The following RBPMS variants were observed in gnomAD, a reference collection of about 807,000 sequenced individuals.
The protein encoded by RBPMS is RNA binding protein, mRNA processing factor.
A neutral mutation model predicts 26.8 loss-of-function variants in RBPMS; 7 were observed. The ratio of observed to expected loss-of-function variants is 0.26; its 90% CI spans 0.15 to 0.49. RBPMS has a LOEUF of 0.49. RBPMS is among the 20% of genes least tolerant of loss of function. The probability of loss-of-function intolerance (pLI) is 0.98; values close to 1 mark genes in which losing one functional copy is unlikely to be tolerated. For synonymous variants in RBPMS, 96 were observed against 93.3 expected, an observed-to-expected ratio of 1.03 and a Z score of -0.17; for missense variants, 186 against 250.0, an observed-to-expected ratio of 0.74 and a Z score of 1.73.
At chr8:30,433,837 A>G (rs1347429213) in intron 1 of RBPMS, among the ~76,000 whole-genome samples, 1 of 152,174 alleles carries the variant, frequency 6.6e-6, no homozygotes, top group Non-Finnish European at 1.5e-5. Flanking sequence ...CCATGTCCTG[A>G]TTCTTAGATC....
intron 6 of RBPMS, 86 bp downstream of exon 6, chr8:30,544,710 A>C: frequency 6.2e-7 from 1 of 1,603,938 alleles, no homozygotes; most frequent in East Asian, 2.2e-5. Context: ...CATACAACTA[A>C]CACCTATCCA....
At chr8:30,540,594 A>G (rs997100264) in intron 5 of RBPMS, among the ~76,000 whole-genome samples, 2 of 151,976 alleles carry the variant, frequency 1.3e-5, no homozygotes, top group Admixed American at 6.6e-5. Context: ...CCTGGCTAAT[A>G]TATATTTTTT....
intron 1 of RBPMS, among the ~76,000 whole-genome samples, chr8:30,387,775 A>G (rs190926363): frequency 1.1e-4 from 16 of 152,246 alleles, no homozygotes; most frequent in African/African-American, 3.9e-4. Flanking sequence ...CTGTGTTTCT[A>G]GTTTCGAAAC....
chr8:30,469,682 G>T (rs892182860), intron 1 of RBPMS, among the ~76,000 whole-genome samples: 2 of 152,248 alleles, frequency 1.3e-5, no homozygotes, highest in Admixed American at 6.5e-5. Flanking sequence ...TAAAGGCATA[G>T]TGCCAGGCAC....
chr8:30,548,697 A>G (rs1171994580), intron 6 of RBPMS, among the ~76,000 whole-genome samples: 2 of 152,228 alleles, frequency 1.3e-5, no homozygotes, highest in African/African-American at 4.8e-5. Context: ...TAGGCTAACC[A>G]GGAAGGGAGC....
At chr8:30,449,371 T>G in intron 1 of RBPMS, among the ~76,000 whole-genome samples, 2 of 36,468 alleles carry the variant, frequency 5.5e-5, no homozygotes, top group East Asian at 7.4e-3. Flanking sequence ...CATCTCCTCT[T>G]TTTTTTTTTT....
intron 1 of RBPMS, among the ~76,000 whole-genome samples, chr8:30,453,329 A>G (rs187592802): frequency 2.0e-5 from 3 of 152,358 alleles, no homozygotes; most frequent in African/African-American, 7.2e-5. Flanking sequence ...TCTACATTTC[A>G]ATAAAATGCT....
chr8:30,549,437 T>C, intron 6 of RBPMS: 1 of 1,425,066 alleles, frequency 7.0e-7, no homozygotes, highest in Non-Finnish European at 9.9e-7. Context: ...GGCCTTCCAT[T>C]GTTTTCAGAC....
chr8:30,555,840 G>C, intron 6 of RBPMS: 2 of 978,448 alleles, frequency 2.0e-6, no homozygotes, highest in Non-Finnish European at 2.4e-6. Context: ...CAAGCAGCCC[G>C]AATGGGGCTA....
rs542664910 is a variant in RBPMS, at chr8:30,463,746, C to G, written c.67-11033C>G. ...GAAGGGAAAGGTTAAGTGATTTGTC[C>G]AAGTGCATACCTTGTGAGTTGCAGA... On this transcript the variant is annotated intron_variant, in intron 1 of 8. Transcript: ENST00000397323. Among the ~76,000 whole-genome samples, 106 of 152,246 alleles carry G rather than the reference C, an allele frequency of 7.0e-4. 1 individual carries two copies. The highest frequency in any genetic ancestry group is 1.2e-3 in the Non-Finnish European group (82 of 68,006).
At chr8:30,528,826 G>T (rs1823887737) in intron 5 of RBPMS, among the ~76,000 whole-genome samples, 1 of 151,866 alleles carries the variant, frequency 6.6e-6, no homozygotes, top group Non-Finnish European at 1.5e-5. Flanking sequence ...TTTGTTTTTT[G>T]GTTTGTTTTA....
At chr8:30,480,798 AG>A (rs1369055696) in intron 4 of RBPMS, among the ~76,000 whole-genome samples, 24 of 152,382 alleles carry the variant, frequency 1.6e-4, no homozygotes, top group Admixed American at 1.5e-3. Context: ...TAAACTTAAA[AG>A]TAGAACCACA....
At chr8:30,491,477 G>A (rs1050756939) in intron 4 of RBPMS, among the ~76,000 whole-genome samples, 1 of 152,274 alleles carries the variant, frequency 6.6e-6, no homozygotes. Context: ...ACTGGATCCT[G>A]TTGGGGGCTG....
chr8:30,466,751 C>T (rs1389470268), intron 1 of RBPMS, among the ~76,000 whole-genome samples: 2 of 151,930 alleles, frequency 1.3e-5, no homozygotes, highest in Non-Finnish European at 2.9e-5. Flanking sequence ...CCGACCACCA[C>T]GCTGGCTAAT....
chr8:30,557,463 C>T (rs1305906512), intron 6 of RBPMS, among the ~76,000 whole-genome samples: 4 of 152,132 alleles, frequency 2.6e-5, no homozygotes, highest in Non-Finnish European at 5.9e-5. Flanking sequence ...ATTGAGAATC[C>T]CCAGACTTCA....
At chr8:30,517,189 C>T (rs1380365490) in intron 5 of RBPMS, among the ~76,000 whole-genome samples, 5 of 132,474 alleles carry the variant, frequency 3.8e-5, no homozygotes, top group African/African-American at 1.4e-4. Flanking sequence ...GCCAAGACCC[C>T]GTGTGTGTGT....
chr8:30,525,938 T>G lies in RBPMS; in HGVS notation c.398-18556T>G, dbSNP rs193052787. Among the ~76,000 whole-genome samples the G allele has an allele frequency of 5.4e-4, 83 of 152,362 alleles. 1 individual carries two copies. The highest frequency in any genetic ancestry group is 5.4e-3 in the Admixed American group (82 of 15,308). ...GTGTGAAAGAATTCCTTGCCACTCATGAGAAATGTATTGATTTATTTGAAA... is the reference window on the plus strand; with the variant it reads ...GTGTGAAAGAATTCCTTGCCACTCAGGAGAAATGTATTGATTTATTTGAAA... On this transcript the variant is annotated intron_variant, in intron 5 of 8. Transcript: ENST00000397323.
chr8:30,428,470 G>T (rs1350823269), intron 1 of RBPMS, among the ~76,000 whole-genome samples: 3 of 151,966 alleles, frequency 2.0e-5, no homozygotes, highest in Non-Finnish European at 4.4e-5. Context: ...AAAAAAATCA[G>T]CAGTGTTAAC....
chr8:30,521,155 T>G (rs1379247512), intron 5 of RBPMS, among the ~76,000 whole-genome samples: 1 of 152,232 alleles, frequency 6.6e-6, no homozygotes, highest in African/African-American at 2.4e-5. Flanking sequence ...TTTATAGTAG[T>G]GTGCCATTGA....
Sources: gnomAD v4.1 joint callset for allele counts (sites outside exome capture counted in the v4.1 genomes callset) on GRCh38, gnomAD v4.1.1 for gene constraint, MANE v1.5 for transcripts, NCBI Gene and HGNC (gene_info 2026-07-23, HGNC 2026-07-21) for gene names.